ADCY8: variants seen among roughly 807,000 people sequenced by gnomAD.
ADCY8 encodes adenylate cyclase 8, also known as adenylate cyclase type 8.
ADCY8 carries 51 observed loss-of-function variants against 119.7 expected under a neutral mutation model. The ratio of observed to expected loss-of-function variants is 0.43; its 90% CI spans 0.34 to 0.54. The LOEUF is 0.54. Ranked by LOEUF, ADCY8 falls within the 20% of genes least tolerant of loss-of-function variation. The probability of loss-of-function intolerance (pLI) is 0.03; values close to 1 mark genes in which losing one functional copy is unlikely to be tolerated. For synonymous variants in ADCY8, 665 were observed against 651.0 expected, an observed-to-expected ratio of 1.02 and a Z score of -0.33; for missense variants, 1,383 against 1,598.8, an observed-to-expected ratio of 0.87 and a Z score of 2.30.
intron 3 of ADCY8, among the ~76,000 whole-genome samples, chr8:130,950,429 G>C (rs373236816): frequency 1.3e-5 from 2 of 152,114 alleles, no homozygotes; most frequent in Admixed American, 6.6e-5. Flanking sequence ...AGTGGTGGCC[G>C]TGTCAGGGTT....
chr8:130,814,211 C>A lies in ADCY8; in HGVS notation c.2771G>T (p.Arg924Leu). 1.2e-6 allele frequency: 2 copies of A among 1,613,956 alleles called. No homozygotes were observed. Among genetic ancestry groups the A allele is most frequent in the South Asian group, 2.2e-5 (2 of 91,056 alleles). ...YHGQQLEYTA[R>L]LDFLWRVQAK... The stretch of plus-strand genomic sequence containing the variant: ...CTGTACTCGCCAAAGGAAGTCCAGG[C>A]GGGCTGTGTACTCCAGCTGCAGTAC... Residue 924 changes from arginine to leucine, a missense_variant, in exon 14 of 18, where the codon CGC (arginine) becomes CTC (leucine). This residue lies in a region of ADCY8 where 928 missense variants were observed against 1,163.5 expected (regional missense o/e 0.80). Transcript: ENST00000286355.
chr8:130,940,954 T>G (rs369267225), intron 4 of ADCY8, among the ~76,000 whole-genome samples: 1 of 152,218 alleles, frequency 6.6e-6, no homozygotes, highest in Non-Finnish European at 1.5e-5. Context: ...GGATGTATAC[T>G]TTGCATTGTG....
chr8:130,805,555 G>A (rs1815922071), intron 14 of ADCY8, among the ~76,000 whole-genome samples: 2 of 152,142 alleles, frequency 1.3e-5, no homozygotes, highest in Admixed American at 6.5e-5. Flanking sequence ...GTGGGAATAG[G>A]GTGGGCTGGG....
intron 1 of ADCY8, among the ~76,000 whole-genome samples, chr8:131,019,492 C>A (rs1261201209): frequency 1.3e-5 from 2 of 152,150 alleles, no homozygotes; most frequent in African/African-American, 4.8e-5. Flanking sequence ...ATTTTAGCTT[C>A]AATTTTTAGC....
intron 2 of ADCY8, among the ~76,000 whole-genome samples, chr8:130,971,037 A>T (rs1821908457): frequency 6.6e-6 from 1 of 152,196 alleles, no homozygotes; most frequent in Non-Finnish European, 1.5e-5. Context: ...TTAGGTACTG[A>T]TGTTATTAAT....
chr8:130,885,958 A>T (rs1051129763), intron 7 of ADCY8, among the ~76,000 whole-genome samples: 2 of 152,040 alleles, frequency 1.3e-5, no homozygotes, highest in African/African-American at 4.8e-5. Context: ...CCAAACCTTC[A>T]GATATCGATG....
At chr8:130,926,245 A>G (rs900873892) in intron 5 of ADCY8, among the ~76,000 whole-genome samples, 7 of 152,044 alleles carry the variant, frequency 4.6e-5, no homozygotes, top group African/African-American at 1.7e-4. Flanking sequence ...TAATGCACAC[A>G]TACATGTGGC....
At chr8:131,038,313 G>A (rs554392313) in intron 1 of ADCY8, among the ~76,000 whole-genome samples, 29 of 152,254 alleles carry the variant, frequency 1.9e-4, no homozygotes, top group African/African-American at 7.0e-4. Context: ...CGACAGAGCA[G>A]GCCCATACAA....
In ADCY8 at chr8:130,836,421, A is replaced by G. The variant is rs1256304656; in HGVS notation, c.2531T>C (p.Met844Thr). 15 of 1,613,950 alleles carry G rather than the reference A, an allele frequency of 9.3e-6. No homozygotes were observed. The highest frequency in any genetic ancestry group is 1.2e-5 in the Non-Finnish European group (14 of 1,179,876). Residue 844 changes from methionine to threonine, a missense_variant, in exon 12 of 18, where the codon ATG (methionine) becomes ACG (threonine). This residue lies in a region of ADCY8 where 928 missense variants were observed against 1,163.5 expected (regional missense o/e 0.80). Coordinates refer to ENST00000286355, the MANE Select transcript of ADCY8 (RefSeq NM_001115.3). ...EYFVFTGVLA[M>T]VTCAVFLRLN... ...CCGGAGGAAAACTGCACAGGTCACC[A>G]TGGCCAACACCCCCGTGAAGACAAA...
intron 15 of ADCY8, among the ~76,000 whole-genome samples, chr8:130,789,648 G>A (rs1388406102): frequency 6.6e-6 from 1 of 152,176 alleles, no homozygotes; most frequent in Non-Finnish European, 1.5e-5. Context: ...TTTTATATAG[G>A]AGGAATTTGA....
At chr8:130,835,344 C>T (rs1020540876) in intron 12 of ADCY8, among the ~76,000 whole-genome samples, 2 of 152,202 alleles carry the variant, frequency 1.3e-5, no homozygotes, top group Non-Finnish European at 2.9e-5. Flanking sequence ...CTTCCTCTGT[C>T]CTGAGACACT....
chr8:130,787,763 C>CACA lies in ADCY8; in HGVS notation c.3061-2289_3061-2288insTGT, dbSNP rs1302340499. On this transcript the variant is annotated intron_variant, in intron 15 of 17. Coordinates refer to ENST00000286355, the MANE Select transcript of ADCY8 (RefSeq NM_001115.3). Reference sequence around the variant, plus strand: ...GTGTGTGTTGTTTTCATGCCTGTGTCCACATGTATGTGTGCCTGTGTGTGG... The same window carrying CACA: ...GTGTGTGTTGTTTTCATGCCTGTGTCACACACATGTATGTGTGCCTGTGTGTGG... Among the ~76,000 whole-genome samples the CACA allele has an allele frequency of 7.0e-3, 1,063 of 151,018 alleles. 12 individuals are homozygous for CACA. The highest frequency in any genetic ancestry group is 0.025 in the African/African-American group (1,011 of 41,084).
intron 2 of ADCY8, among the ~76,000 whole-genome samples, chr8:130,962,555 A>C (rs1821636312): frequency 6.6e-6 from 1 of 152,164 alleles, no homozygotes; most frequent in East Asian, 1.9e-4. Context: ...TACTCTATTC[A>C]AGTCGTCAAA....
At chr8:130,859,064 T>C (rs1266559571) in intron 9 of ADCY8, among the ~76,000 whole-genome samples, 3 of 152,196 alleles carry the variant, frequency 2.0e-5, no homozygotes, top group Admixed American at 2.0e-4. Flanking sequence ...TTCCTTTTAT[T>C]GGATATCGGC....
At chr8:130,889,398 C>T (rs367955849) in intron 7 of ADCY8, among the ~76,000 whole-genome samples, 4 of 152,060 alleles carry the variant, frequency 2.6e-5, no homozygotes, top group African/African-American at 9.7e-5. Flanking sequence ...GATAAAGGCA[C>T]TGATAAGTTC....
At position 130,873,774 on chromosome 8, in the gene ADCY8, A is replaced by C. The variant is rs185619493; in HGVS notation, c.2110-5828T>G. Among the ~76,000 whole-genome samples the C allele has an allele frequency of 7.1e-3, 1,080 of 152,156 alleles. 14 individuals are homozygous for C. Among genetic ancestry groups the C allele is most frequent in the Non-Finnish European group, 8.7e-3 (594 of 68,002 alleles). On this transcript the variant is annotated intron_variant, in intron 8 of 17. Transcript: ENST00000286355. ...TGTTAACTCCTGCTTGAATATTTCC[A>C]GTGTTGGGGGAAATCAAGTCCTCAA...
At chr8:130,890,343 A>G (rs758457138) in intron 7 of ADCY8, among the ~76,000 whole-genome samples, 1 of 152,158 alleles carries the variant, frequency 6.6e-6, no homozygotes, top group African/African-American at 2.4e-5. Context: ...TAAAACTTAA[A>G]GTATAATAAA....
At chr8:130,877,755 C>A (rs2130435392) in intron 8 of ADCY8, among the ~76,000 whole-genome samples, 1 of 152,202 alleles carries the variant, frequency 6.6e-6, no homozygotes, top group Non-Finnish European at 1.5e-5. Context: ...AGAGAAAATA[C>A]AAGCAAATGA....
chr8:130,782,380 T>C (rs959531506), intron 17 of ADCY8, among the ~76,000 whole-genome samples: 11 of 152,170 alleles, frequency 7.2e-5, no homozygotes, highest in African/African-American at 2.4e-4. Context: ...ACACCCAGCT[T>C]ACATAGGAGG....
Sources: gnomAD v4.1 joint callset for allele counts (sites outside exome capture counted in the v4.1 genomes callset) on GRCh38, gnomAD v4.1.1 for gene constraint, gnomAD v4.1.1 regional missense constraint, MANE v1.5 for transcripts, NCBI Gene and HGNC (gene_info 2026-07-23, HGNC 2026-07-21) for gene names.